The following NPIPB15 variants were observed in gnomAD, a reference collection of about 807,000 sequenced individuals.
NPIPB15 encodes the protein nuclear pore complex interacting protein family member B15.
Under a neutral mutation model 35.9 loss-of-function variants are expected in NPIPB15, and 5 were observed. That is an observed-to-expected ratio of 0.14 (90% CI 0.07 to 0.29). NPIPB15 has a LOEUF of 0.29. NPIPB15 is among the 10% of genes least tolerant of loss of function. The pLI, the probability that NPIPB15 is intolerant of heterozygous loss-of-function variation, is 1.00. For synonymous variants in NPIPB15, 43 were observed against 182.0 expected, an observed-to-expected ratio of 0.24 and a Z score of 6.15; for missense variants, 100 against 506.1, an observed-to-expected ratio of 0.20 and a Z score of 7.70.
At chr16:74,384,915 A>T (rs1205915435) in intron 3 of NPIPB15, among the ~76,000 whole-genome samples, 1 of 150,028 alleles carries the variant, frequency 6.7e-6, no homozygotes, top group Non-Finnish European at 1.5e-5. Context: ...TCCCGACCTC[A>T]GGTGATCCAC....
chr16:74,381,480 T>C lies in NPIPB15; in HGVS notation c.67-36T>C, dbSNP rs199679905. 4.4e-4 allele frequency: 688 copies of C among 1,574,728 alleles called. No individual in the cohort carries two copies. In the African/African-American group the frequency reaches 6.5e-3, roughly 15 times the overall value. On this transcript the variant is annotated intron_variant, in intron 2 of 7. Coordinates refer to ENST00000692376, the MANE Select transcript of NPIPB15 (RefSeq NM_001306094.2). ...TCTGAGTGAAATATTGTCGGTGTCATTGACCTTTTCATTCTTTCAACTATT... is the reference window on the plus strand; with the variant it reads ...TCTGAGTGAAATATTGTCGGTGTCACTGACCTTTTCATTCTTTCAACTATT...
intron 3 of NPIPB15, among the ~76,000 whole-genome samples, chr16:74,384,418 G>T (rs2012149116): frequency 9.5e-6 from 1 of 105,766 alleles, no homozygotes; most frequent in Non-Finnish European, 1.9e-5. Context: ...CACCAGGCTG[G>T]AGTGCAGTGG....
At chr16:74,381,967 G>GTA (rs2012020204) in intron 3 of NPIPB15, among the ~76,000 whole-genome samples, 1 of 117,212 alleles carries the variant, frequency 8.5e-6, no homozygotes, top group African/African-American at 3.4e-5. Flanking sequence ...CACAAATGGA[G>GTA]TATGAGGTTT....
At chr16:74,384,626 CAA>C (rs1164610990) in intron 3 of NPIPB15, among the ~76,000 whole-genome samples, 8 of 145,852 alleles carry the variant, frequency 5.5e-5, no homozygotes, top group African/African-American at 2.0e-4. Context: ...CTCAGCCTCC[CAA>C]AGTGCTGGGA....
intron 2 of NPIPB15, chr16:74,381,278 C>T (rs2011976732): frequency 1.6e-6 from 1 of 634,490 alleles, no homozygotes; most frequent in Admixed American, 3.1e-5. Context: ...GATATCCCTG[C>T]TTTATACCAA....
chr16:74,379,490 G>A (rs1390381210), intron 2 of NPIPB15, among the ~76,000 whole-genome samples: 66 of 151,708 alleles, frequency 4.4e-4, no homozygotes, highest in Admixed American at 1.3e-3. Context: ...GGAAGTCTTC[G>A]TCTTCACTCA....
chr16:74,377,427 C>A (rs1261513070), intron 1 of NPIPB15, among the ~76,000 whole-genome samples, 81 bp downstream of exon 1: 3 of 151,752 alleles, frequency 2.0e-5, no homozygotes, highest in African/African-American at 7.3e-5. Context: ...TGGAATGATG[C>A]GGGCGCTACT....
In NPIPB15 at chr16:74,391,703, C is replaced by A; in HGVS notation, c.955C>A (p.Leu319Met). ...TCTTCCACCCTCAGTGGATGATAAT[C>A]TGAAGGACTGTCTCTTTGTCCCTCT... is the stretch of plus-strand genomic sequence containing the variant. ...SPLPPSVDDNLKDCLFVPLPP... is the reference protein window; with the variant it reads ...SPLPPSVDDNMKDCLFVPLPP... Residue 319 changes from leucine (L) to methionine (M), a missense_variant, in exon 8 of 8, where the codon CTG becomes ATG. Transcript: ENST00000692376. 6.3e-7 allele frequency: 1 copy of A among 1,586,414 alleles called. No individual in the cohort carries two copies. Among genetic ancestry groups the A allele is most frequent in the Non-Finnish European group, 8.6e-7 (1 of 1,169,370 alleles).
At chr16:74,384,776 G>A (rs1224123700) in intron 3 of NPIPB15, among the ~76,000 whole-genome samples, 1 of 145,950 alleles carries the variant, frequency 6.9e-6, no homozygotes, top group Non-Finnish European at 1.5e-5. Flanking sequence ...TTTCCTGCTG[G>A]GTTCAAGTGA....
At chr16:74,384,417 G>T in intron 3 of NPIPB15, among the ~76,000 whole-genome samples, 2 of 103,520 alleles carry the variant, frequency 1.9e-5, no homozygotes, top group Non-Finnish European at 3.8e-5. Flanking sequence ...TCACCAGGCT[G>T]GAGTGCAGTG....
intron 5 of NPIPB15, chr16:74,388,689 ATT>A: frequency 1.0e-6 from 1 of 962,272 alleles, no homozygotes; most frequent in African/African-American, 1.8e-5. Flanking sequence ...ATGTGTGTGC[ATT>A]TCTCTCCCTT....
chr16:74,377,629 T>G (rs1337287679), intron 1 of NPIPB15, among the ~76,000 whole-genome samples: 1 of 151,974 alleles, frequency 6.6e-6, no homozygotes, highest in Non-Finnish European at 1.5e-5. Flanking sequence ...TTCCCTGATC[T>G]TCTCCGTGAC....
At chr16:74,385,034 T>TGTGTGA (rs1206533989) in intron 3 of NPIPB15, among the ~76,000 whole-genome samples, 1 of 132,356 alleles carries the variant, frequency 7.6e-6, no homozygotes, top group Non-Finnish European at 1.6e-5. Flanking sequence ...TGTGTGTGTG[T>TGTGTGA]GACAGAGTCT....
chr16:74,384,649 G>A (rs1312409832), intron 3 of NPIPB15, among the ~76,000 whole-genome samples: 1 of 144,394 alleles, frequency 6.9e-6, no homozygotes, highest in South Asian at 2.4e-4. Context: ...TTACAGGCGT[G>A]AGCTACCGCA....
chr16:74,384,696 T>A (rs1389630432), intron 3 of NPIPB15, among the ~76,000 whole-genome samples: 1 of 63,608 alleles, frequency 1.6e-5, no homozygotes, highest in Non-Finnish European at 2.8e-5. Context: ...TTTTTTTTTT[T>A]TGAGACAGAG....
At position 74,382,007 on chromosome 16, in the gene NPIPB15, C is replaced by G. The variant is rs1208759221; in HGVS notation, c.249+309C>G. Among the ~76,000 whole-genome samples the G allele has an allele frequency of 6.7e-5, 6 of 89,190 alleles. No individual in the cohort carries two copies. The East Asian group carries it at 2.0e-3, about 30-fold the overall frequency. The allele number at this position is 89,190 out of a possible 152,430, so 58.5% of individuals were successfully genotyped here. On this transcript the variant is annotated intron_variant, in intron 3 of 7. Coordinates refer to ENST00000692376, the MANE Select transcript of NPIPB15 (RefSeq NM_001306094.2). ...ACTTAAATAGGAAATTCTTTCTAAA[C>G]TCTTCTGCTTTATAGTTCTATCGTA...
intron 3 of NPIPB15, among the ~76,000 whole-genome samples, chr16:74,384,395 A>G (rs1191876665): frequency 3.2e-5 from 3 of 94,722 alleles, no homozygotes; most frequent in African/African-American, 1.2e-4. Flanking sequence ...TTTGAGACGG[A>G]GTCTCACTCT....
rs1373807130 is a variant in NPIPB15 at position 74,386,197 on chromosome 16, C to T, written c.545+448C>T. Among the ~76,000 whole-genome samples, 9 of 126,190 alleles carry T rather than the reference C, an allele frequency of 7.1e-5. No individual in the cohort carries two copies. The East Asian group carries it at 2.9e-3, about 40-fold the overall frequency. 82.8% of individuals were successfully genotyped at this position (126,190 alleles called of 152,430 possible). Reference sequence around the variant, plus strand: ...ATGGGGTTTCACCATGTTGTCCAGGCTGGTCTCGAACTTCTGACCTCAGGT... The same window carrying T: ...ATGGGGTTTCACCATGTTGTCCAGGTTGGTCTCGAACTTCTGACCTCAGGT... On this transcript the variant is annotated intron_variant, in intron 5 of 7. Transcript: ENST00000692376.
rs1261349774 is a variant in NPIPB15, at chr16:74,377,310, A to G, written c.-59A>G. On this transcript the variant is annotated 5_prime_UTR_variant, in exon 1 of 8. Coordinates refer to ENST00000692376, the MANE Select transcript of NPIPB15 (RefSeq NM_001306094.2). Reference sequence around the variant, plus strand: ...CAGGAAGGAAGGAGAGCCCAGAAGCAGGGACAGGGAGCTGGTTGGGGAGGA... The same window carrying G: ...CAGGAAGGAAGGAGAGCCCAGAAGCGGGGACAGGGAGCTGGTTGGGGAGGA... Among the ~76,000 whole-genome samples the G allele has an allele frequency of 6.6e-6, 1 of 151,970 alleles. No homozygotes were observed. Among genetic ancestry groups the G allele is most frequent in the African/African-American group, 2.4e-5 (1 of 41,338 alleles).
Sources: allele counts gnomAD v4.1 joint callset (sites outside exome capture counted in the v4.1 genomes callset), GRCh38; gene constraint gnomAD v4.1.1; transcripts MANE v1.5; gene names NCBI Gene and HGNC (gene_info 2026-07-23, HGNC 2026-07-21).